The following DLGAP1 variants were observed in gnomAD, a reference collection of about 807,000 sequenced individuals.
DLGAP1 encodes DLG associated protein 1.
DLGAP1 carries 11 observed loss-of-function variants against 90.8 expected under a neutral mutation model. That is an observed-to-expected ratio of 0.12 (90% CI 0.08 to 0.20). The LOEUF (loss-of-function observed/expected upper bound fraction) is 0.20. DLGAP1 is among the 10% of genes least tolerant of loss of function. The pLI is 1.00. For missense variants in DLGAP1, 1,050 were observed against 1,333.8 expected (o/e 0.79, Z 3.31); for synonymous variants, 558 against 540.7 (o/e 1.03, Z -0.44).
intron 1 of DLGAP1, among the ~76,000 whole-genome samples, chr18:4,442,700 A>G (rs988168755): frequency 2.6e-5 from 4 of 151,460 alleles, no homozygotes; most frequent in African/African-American, 9.7e-5. Context: ...AAGAAAAAAA[A>G]GTTAATGTCC....
intron 7 of DLGAP1, among the ~76,000 whole-genome samples, chr18:3,722,799 C>T (rs114476277): frequency 0.024 from 3,643 of 152,138 alleles, 158 homozygotes; most frequent in African/African-American, 0.084. Context: ...CTGAGCTTTC[C>T]CCGAACTCTA....
intron 3 of DLGAP1, among the ~76,000 whole-genome samples, chr18:3,934,622 A>G (rs2072593769): frequency 6.6e-6 from 1 of 152,192 alleles, no homozygotes; most frequent in African/African-American, 2.4e-5. Flanking sequence ...CACACAGTAA[A>G]ACAATATTTT....
At chr18:3,693,185 C>A (rs1335286448) in intron 7 of DLGAP1, among the ~76,000 whole-genome samples, 3 of 152,138 alleles carry the variant, frequency 2.0e-5, no homozygotes, top group African/African-American at 4.8e-5. Flanking sequence ...TGGGCTCCAG[C>A]GATCCTCCTG....
At chr18:4,326,830 AC>A (rs2080828723) in intron 1 of DLGAP1, among the ~76,000 whole-genome samples, 1 of 152,092 alleles carries the variant, frequency 6.6e-6, no homozygotes, top group African/African-American at 2.4e-5. Flanking sequence ...GAGGAGAACA[AC>A]AGACAGTGGG....
intron 10 of DLGAP1, among the ~76,000 whole-genome samples, chr18:3,524,423 GT>G (rs1317549139): frequency 6.6e-6 from 1 of 152,100 alleles, no homozygotes; most frequent in Admixed American, 6.6e-5. Flanking sequence ...AAATTATCTT[GT>G]ATTAGGGCGT....
intron 2 of DLGAP1, among the ~76,000 whole-genome samples, chr18:4,085,990 G>A (rs9646461): frequency 0.28 from 43,102 of 152,040 alleles, 6,483 homozygotes; most frequent in African/African-American, 0.33. Flanking sequence ...ACATAAATAA[G>A]ACCTAAACTG....
chr18:3,568,817 T>C (rs927558048), intron 8 of DLGAP1, among the ~76,000 whole-genome samples: 1 of 151,246 alleles, frequency 6.6e-6, no homozygotes, highest in South Asian at 2.1e-4. Context: ...TTCCCAAGTG[T>C]CTGGGACTAC....
At chr18:4,211,112 G>C (rs1480158801) in intron 1 of DLGAP1, among the ~76,000 whole-genome samples, 1 of 152,212 alleles carries the variant, frequency 6.6e-6, no homozygotes. Context: ...TGAAGCTCGA[G>C]AATGAGATGG....
chr18:3,729,022 G>C lies in DLGAP1; in HGVS notation c.1591+113C>G, dbSNP rs1485419183. The C allele has an allele frequency of 2.1e-6, 3 of 1,441,626 alleles. No homozygotes were observed. The highest frequency in any genetic ancestry group is 2.2e-5 in the Admixed American group (1 of 44,620). The allele number at this position is 1,441,626 out of a possible 1,614,324, so 89.3% of individuals were successfully genotyped here. A position where few individuals can be genotyped will look rare whatever the true frequency, so the allele number is the denominator to read the frequency against. On this transcript the variant is annotated intron_variant, in intron 7 of 12. Transcript: ENST00000315677. This position sits in a 1 kb window ranked among gnomAD's most constrained non-coding sequence, Gnocchi z 6.2. ...AAAACCTTTGGTTTGTAGGACATGG[G>C]TGGTATCTTGTTCCTGGCAACTATG...
At chr18:3,732,246 A>G (rs975091601) in intron 6 of DLGAP1, among the ~76,000 whole-genome samples, 3 of 152,182 alleles carry the variant, frequency 2.0e-5, no homozygotes, top group Non-Finnish European at 2.9e-5. Context: ...CTTCAGGTTC[A>G]ATCTTTTTGG....
At chr18:3,810,930 C>T (rs554600591) in intron 5 of DLGAP1, among the ~76,000 whole-genome samples, 55 of 152,130 alleles carry the variant, frequency 3.6e-4, no homozygotes, top group Middle Eastern at 3.4e-3. Context: ...CTCAGCCTCC[C>T]GAGTAGCTGG....
At chr18:3,838,923 T>TAA (rs554933707) in intron 4 of DLGAP1, among the ~76,000 whole-genome samples, 1 of 151,560 alleles carries the variant, frequency 6.6e-6, no homozygotes, top group Non-Finnish European at 1.5e-5. Context: ...CTGCTTTGGT[T>TAA]AAAAAAAAAT....
At chr18:3,762,972 T>C (rs1486386550) in intron 5 of DLGAP1, among the ~76,000 whole-genome samples, 1 of 151,902 alleles carries the variant, frequency 6.6e-6, no homozygotes, top group African/African-American at 2.4e-5. Context: ...GAAATCCTGC[T>C]AGGATGCAGC....
At chr18:4,225,005 A>C (rs936264393) in intron 1 of DLGAP1, among the ~76,000 whole-genome samples, 3 of 151,816 alleles carry the variant, frequency 2.0e-5, no homozygotes, top group Non-Finnish European at 2.9e-5. Context: ...ACCCCCCCAC[A>C]CACACATGCA....
In DLGAP1 at chr18:3,881,843, G is replaced by A. The variant is rs1346565519; in HGVS notation, c.-72-1703C>T. Among the ~76,000 whole-genome samples, 21 of 152,244 alleles carry A rather than the reference G, an allele frequency of 1.4e-4. 1 individual carries two copies. In the South Asian group the frequency reaches 4.2e-3, roughly 30 times the overall value. ...CAGGAGAATGGCATAAACCCGGGAG[G>A]CGGAGCTTGCAGTGAGCCGAGATCG... On this transcript the variant is annotated intron_variant, in intron 3 of 12. Coordinates refer to ENST00000315677, the MANE Select transcript of DLGAP1 (RefSeq NM_004746.4).
In DLGAP1 at chr18:3,499,221, G is replaced by C; in HGVS notation, c.2898C>G (p.Ile966Met). ...QNSATESAES[I>M]EIYIPEAQTR... ...TCTGCGCCTCGGGGATGTAGATCTC[G>C]ATGCTCTCGGCGCTCTCGGTGGCCG... The change falls in exon 13 of 13, where the codon ATC becomes ATG. Residue 966 changes from isoleucine (I) to methionine (M), a missense_variant. Physicochemically the swap from Ile to Met is conservative, Grantham distance 10. Transcript: ENST00000315677. This position sits in a 1 kb window ranked among gnomAD's most constrained non-coding sequence, Gnocchi z 6.4. 6.3e-7 allele frequency: 1 copy of C among 1,598,932 alleles called. No individual in the cohort carries two copies. The highest frequency in any genetic ancestry group is 1.1e-5 in the South Asian group (1 of 89,896).
At position 3,920,353 on chromosome 18, in the gene DLGAP1, A is replaced by AG. The variant is rs2072242278; in HGVS notation, c.-72-40214_-72-40213insC. On this transcript the variant is annotated intron_variant, in intron 3 of 12. Coordinates refer to ENST00000315677, the MANE Select transcript of DLGAP1 (RefSeq NM_004746.4). ...TCAGCGACTGAGGGAGACTCTGTCCAAAAAAAAAAAAAAAAAAAAAGCACT... is the reference window on the plus strand; with the variant it reads ...TCAGCGACTGAGGGAGACTCTGTCCAGAAAAAAAAAAAAAAAAAAAAGCACT... 1.1e-4 allele frequency among the ~76,000 whole-genome samples: 5 copies of AG among 45,334 alleles called. No homozygotes were observed. The South Asian group carries it at 4.3e-3, about 39-fold the overall frequency. The allele number at this position is 45,334 out of a possible 152,430, so 29.7% of individuals were successfully genotyped here.
intron 1 of DLGAP1, among the ~76,000 whole-genome samples, chr18:4,262,100 A>C (rs965400236): frequency 3.3e-5 from 5 of 152,224 alleles, no homozygotes; most frequent in Non-Finnish European, 7.3e-5. Flanking sequence ...CTTATTCCCC[A>C]TTTCAAAGGT....
At chr18:3,656,188 A>C (rs2059476913) in intron 7 of DLGAP1, 1 of 1,284,592 alleles carries the variant, frequency 7.8e-7, no homozygotes, top group Admixed American at 2.7e-5. Flanking sequence ...TAACACACGC[A>C]TGCTTCAGAT....
Sources: gnomAD v4.1 joint callset for allele counts (sites outside exome capture counted in the v4.1 genomes callset) on GRCh38, gnomAD v4.1.1 for gene constraint, Gnocchi (gnomAD v3.1) non-coding constraint, MANE v1.5 for transcripts, NCBI Gene and HGNC (gene_info 2026-07-23, HGNC 2026-07-21) for gene names.